The following PCDHGA6 variants were observed in gnomAD, a reference collection of about 807,000 sequenced individuals.
The protein encoded by PCDHGA6 is protocadherin gamma subfamily A, 6.
In PCDHGA6, 41 loss-of-function variants were observed where a neutral mutation model predicts 60.6. The observed-to-expected ratio is 0.68, with a 90% confidence interval of 0.53 to 0.88. The LOEUF is 0.88. PCDHGA6 is among the 40% of genes least tolerant of loss of function. The pLI is 0.00. For synonymous variants in PCDHGA6, 594 were observed against 524.4 expected (o/e 1.13, Z -1.81); for missense variants, 1,312 against 1,203.0 (o/e 1.09, Z -1.34).
At chr5:141,459,108 A>G (rs1240280274) in intron 1 of PCDHGA6, among the ~76,000 whole-genome samples, 1 of 152,216 alleles carries the variant, frequency 6.6e-6, no homozygotes, top group Non-Finnish European at 1.5e-5. Flanking sequence ...ATGCATTTTG[A>G]CAATTGTTTA....
rs1227294856 is a variant in PCDHGA6 at position 141,375,365 on chromosome 5, G to A, written c.1282G>A (p.Gly428Arg). ...CATCACTGTGACAGCCACGGACAAA[G>A]GAACACCACCTCTGTCTACAGAAAC... Reference protein sequence around the residue: ...YNITVTATDKGTPPLSTETII... With the variant: ...YNITVTATDKRTPPLSTETII... Residue 428 changes from glycine to arginine, a missense_variant, in exon 1 of 4, where the codon GGA (glycine) becomes AGA (arginine). Transcript: ENST00000517434. 6.2e-7 allele frequency: 1 copy of A among 1,613,790 alleles called. No homozygotes were observed. The highest frequency in any genetic ancestry group is 8.5e-7 in the Non-Finnish European group (1 of 1,179,986).
At chr5:141,484,801 A>G (rs1285617622) in intron 1 of PCDHGA6, among the ~76,000 whole-genome samples, 3 of 152,024 alleles carry the variant, frequency 2.0e-5, no homozygotes, top group African/African-American at 7.2e-5. Flanking sequence ...CAACCCGTGG[A>G]AAAACATGCC....
intron 1 of PCDHGA6, chr5:141,408,100 G>A (rs1474827605): frequency 9.7e-6 from 14 of 1,438,178 alleles, no homozygotes; most frequent in African/African-American, 1.4e-5. Context: ...CCAGCTCCGA[G>A]ACCCGGGACT....
intron 1 of PCDHGA6, chr5:141,415,644 A>G: frequency 6.2e-7 from 1 of 1,600,070 alleles, no homozygotes; most frequent in Non-Finnish European, 8.5e-7. Flanking sequence ...CTTTTGTTAA[A>G]AAAAAAAAGA....
intron 1 of PCDHGA6, chr5:141,419,680 C>T (rs757026598): frequency 9.3e-6 from 15 of 1,612,946 alleles, no homozygotes; most frequent in Non-Finnish European, 1.3e-5. Flanking sequence ...TGTCCTACCA[C>T]GTGGTGCAGG....
chr5:141,439,118 G>A (rs1293542421), intron 1 of PCDHGA6, among the ~76,000 whole-genome samples: 3 of 151,390 alleles, frequency 2.0e-5, no homozygotes, highest in Non-Finnish European at 4.4e-5. Flanking sequence ...ACTTGAACCC[G>A]GGAGACAGAG....
At position 141,487,611 on chromosome 5, in the gene PCDHGA6, T is replaced by C. The variant is rs1215704705; in HGVS notation, c.2425-7196T>C. ...CCACCCTCTGATCTTCTCTATGGGCTAGAGGTGAGACCTTTGCAGGCTCAA... is the reference window on the plus strand; with the variant it reads ...CCACCCTCTGATCTTCTCTATGGGCCAGAGGTGAGACCTTTGCAGGCTCAA... On this transcript the variant is annotated intron_variant, in intron 1 of 3. Transcript: ENST00000517434. This position sits in a 1 kb window ranked among gnomAD's most constrained non-coding sequence, Gnocchi z 5.0. The C allele has an allele frequency of 1.2e-6, 2 of 1,614,206 alleles. No homozygotes were observed. The highest frequency in any genetic ancestry group is 1.7e-6 in the Non-Finnish European group (2 of 1,180,036).
At chr5:141,455,959 G>A (rs112864392) in intron 1 of PCDHGA6, among the ~76,000 whole-genome samples, 2 of 150,430 alleles carry the variant, frequency 1.3e-5, no homozygotes. Flanking sequence ...GTGCAGTGGC[G>A]CGATCTCAGC....
At chr5:141,423,666 A>G in intron 1 of PCDHGA6, 1 of 1,494,380 alleles carries the variant, frequency 6.7e-7, no homozygotes, top group Non-Finnish European at 8.9e-7. Context: ...ATCAGGTGAG[A>G]TTTATTTCTC....
chr5:141,491,006 T>C lies in PCDHGA6; in HGVS notation c.2425-3801T>C. The C allele has an allele frequency of 6.2e-7, 1 of 1,614,062 alleles. No homozygotes were observed. Among genetic ancestry groups the C allele is most frequent in the Non-Finnish European group, 8.5e-7 (1 of 1,180,028 alleles). ...CGCTCTGCTCCTCCTGGCTCCTTGG[T>C]CACCAAGGTGACAGCCGTGGATGCT... On this transcript the variant is annotated intron_variant, in intron 1 of 3. Transcript: ENST00000517434. This position sits in a 1 kb window ranked among gnomAD's most constrained non-coding sequence, Gnocchi z 6.9.
chr5:141,400,571 C>T (rs781701893), intron 1 of PCDHGA6: 1 of 1,612,704 alleles, frequency 6.2e-7, no homozygotes, highest in South Asian at 1.1e-5. Context: ...ACCCAATTTT[C>T]TGTATTTACA....
At chr5:141,423,618 C>T (rs2096760725) in intron 1 of PCDHGA6, 2 of 1,608,284 alleles carry the variant, frequency 1.2e-6, no homozygotes, top group East Asian at 2.2e-5. Flanking sequence ...TAGCTGAAGA[C>T]TCAGCTATCA....
At chr5:141,421,351 A>G in intron 1 of PCDHGA6, 2 of 1,613,988 alleles carry the variant, frequency 1.2e-6, no homozygotes, top group Non-Finnish European at 1.7e-6. Flanking sequence ...AGAGACCGAA[A>G]AGGGCTCCTT....
Position 141,490,652 on chromosome 5 carries a change from C to T in PCDHGA6, c.2425-4155C>T, listed in dbSNP as rs1277273880. The T allele has an allele frequency of 1.2e-6, 2 of 1,614,208 alleles. No individual in the cohort carries two copies. The highest frequency in any genetic ancestry group is 1.7e-6 in the Non-Finnish European group (2 of 1,180,026). On this transcript the variant is annotated intron_variant, in intron 1 of 3. Coordinates refer to ENST00000517434, the MANE Select transcript of PCDHGA6 (RefSeq NM_018919.3). The surrounding 1 kb of genome is among the most constrained non-coding windows in gnomAD (Gnocchi z 5.4). ...ATCCTAGAAAACCGGCCTCCGGGCT[C>T]CCTTCTTTGCACTGTGGCTGCCTCA...
chr5:141,423,816 T>C lies in PCDHGA6; in HGVS notation c.2424+47309T>C, dbSNP rs1205974775. ...TTAGAGCAATACATGTGAGTTTTACTTTGCCTTTCATGAGATTACGATAAT... is the reference window on the plus strand; with the variant it reads ...TTAGAGCAATACATGTGAGTTTTACCTTGCCTTTCATGAGATTACGATAAT... On this transcript the variant is annotated intron_variant, in intron 1 of 3. Transcript: ENST00000517434. 3 of 1,273,904 alleles carry C rather than the reference T, an allele frequency of 2.4e-6. No individual in the cohort carries two copies. The African/African-American group carries it at 4.7e-5, about 20-fold the overall frequency. 78.9% of individuals were successfully genotyped at this position (1,273,904 alleles called of 1,614,324 possible).
chr5:141,489,776 C>T lies in PCDHGA6; in HGVS notation c.2425-5031C>T. The T allele has an allele frequency of 6.2e-7, 1 of 1,614,202 alleles. No homozygotes were observed. Among genetic ancestry groups the T allele is most frequent in the Non-Finnish European group, 8.5e-7 (1 of 1,180,020 alleles). On this transcript the variant is annotated intron_variant, in intron 1 of 3. Transcript: ENST00000517434. This position sits in a 1 kb window ranked among gnomAD's most constrained non-coding sequence, Gnocchi z 4.5. ...ACTCTAAGCCCCAACAGCCACTTCT[C>T]TCTGAATGTGAAGACCCTAAAAGAT...
intron 1 of PCDHGA6, chr5:141,400,587 C>T: frequency 6.2e-7 from 1 of 1,606,696 alleles, no homozygotes; most frequent in South Asian, 1.1e-5. Flanking sequence ...TTACATGAAA[C>T]TATCGTACAT....
In PCDHGA6 at chr5:141,387,802, G is replaced by A. The variant is rs916959942; in HGVS notation, c.2424+11295G>A. 2.0e-6 allele frequency: 3 copies of A among 1,511,984 alleles called. No homozygotes were observed. The Admixed American group carries it at 7.0e-5, about 35-fold the overall frequency. 93.7% of individuals were successfully genotyped at this position (1,511,984 alleles called of 1,614,324 possible). On this transcript the variant is annotated intron_variant, in intron 1 of 3. Coordinates refer to ENST00000517434, the MANE Select transcript of PCDHGA6 (RefSeq NM_018919.3). ...CTGGAACTGCAACTAAAGTCCGTTC[G>A]GAGATCCAAAAATCTGCAATACAGA...
chr5:141,437,881 G>A (rs1317504695), intron 1 of PCDHGA6, among the ~76,000 whole-genome samples: 4 of 152,026 alleles, frequency 2.6e-5, no homozygotes, highest in Admixed American at 2.6e-4. Flanking sequence ...GGGACTACAG[G>A]CACACGCCAC....
Sources: allele counts gnomAD v4.1 joint callset (sites outside exome capture counted in the v4.1 genomes callset), GRCh38; gene constraint gnomAD v4.1.1; non-coding constraint Gnocchi (gnomAD v3.1); transcripts MANE v1.5; gene names NCBI Gene and HGNC (gene_info 2026-07-23, HGNC 2026-07-21).